The following ADAM12 variants were observed in gnomAD, a reference collection of about 807,000 sequenced individuals.
ADAM12 encodes the protein ADAM metallopeptidase domain 12.
Under a neutral mutation model 106.4 loss-of-function variants are expected in ADAM12, and 70 were observed. The ratio of observed to expected loss-of-function variants is 0.66; its 90% CI spans 0.54 to 0.80. The LOEUF (loss-of-function observed/expected upper bound fraction) is 0.80. Among genes scored for constraint, ADAM12 ranks in the 30% least tolerant of loss-of-function variants. ADAM12 has a pLI of 0.00. For synonymous variants in ADAM12, 420 were observed against 433.5 expected, an observed-to-expected ratio of 0.97 and a Z score of 0.39; for missense variants, 1,010 against 1,171.9, an observed-to-expected ratio of 0.86 and a Z score of 2.02.
intron 3 of ADAM12, among the ~76,000 whole-genome samples, chr10:126,167,596 T>C (rs917314957): frequency 6.6e-5 from 10 of 152,230 alleles, no homozygotes; most frequent in Admixed American, 1.3e-4. Context: ...TACTATTCCA[T>C]GCGTAAAGGT....
At chr10:126,242,574 G>A (rs932881807) in intron 3 of ADAM12, among the ~76,000 whole-genome samples, 4 of 152,210 alleles carry the variant, frequency 2.6e-5, no homozygotes, top group Non-Finnish European at 4.4e-5. Context: ...GAGCGTGGGC[G>A]TCTCCTGGCC....
chr10:126,060,784 C>A (rs1280952313), intron 14 of ADAM12, among the ~76,000 whole-genome samples: 1 of 152,216 alleles, frequency 6.6e-6, no homozygotes, highest in African/African-American at 2.4e-5. Flanking sequence ...CACATCCGCC[C>A]TCCCCTCCAG....
At chr10:126,095,407 G>A (rs940098822) in intron 10 of ADAM12, among the ~76,000 whole-genome samples, 18 of 151,934 alleles carry the variant, frequency 1.2e-4, no homozygotes, top group South Asian at 2.1e-4. Context: ...GGTGGCGGGC[G>A]CCTGTAGTCC....
intron 3 of ADAM12, among the ~76,000 whole-genome samples, chr10:126,221,021 G>A (rs904337113): frequency 6.6e-6 from 1 of 152,246 alleles, no homozygotes. Context: ...TTGATGGGCA[G>A]TTCTCAGTCA....
chr10:126,349,878 C>G (rs967103771), intron 1 of ADAM12, among the ~76,000 whole-genome samples: 3 of 152,318 alleles, frequency 2.0e-5, no homozygotes, highest in African/African-American at 7.2e-5. Flanking sequence ...CAGAATCACA[C>G]AGGTATGCTG....
At chr10:126,294,307 T>C (rs1288636987) in intron 2 of ADAM12, among the ~76,000 whole-genome samples, 14 of 152,296 alleles carry the variant, frequency 9.2e-5, no homozygotes. Flanking sequence ...CACAGATGAA[T>C]TTCAGACCAA....
chr10:126,213,859 G>C (rs1590629069), intron 3 of ADAM12, among the ~76,000 whole-genome samples: 1 of 152,192 alleles, frequency 6.6e-6, no homozygotes, highest in African/African-American at 2.4e-5. Flanking sequence ...ACCATCTGCT[G>C]ACTTGACCTT....
chr10:126,072,539 G>A (rs550908451), intron 11 of ADAM12, among the ~76,000 whole-genome samples: 3 of 152,168 alleles, frequency 2.0e-5, no homozygotes, highest in Non-Finnish European at 4.4e-5. Context: ...GGAGGTGTCA[G>A]GCATGGCATC....
At chr10:126,302,742 A>T (rs1287420582) in intron 2 of ADAM12, among the ~76,000 whole-genome samples, 6 of 152,244 alleles carry the variant, frequency 3.9e-5, no homozygotes, top group Non-Finnish European at 7.3e-5. Flanking sequence ...CTCCTGAAAA[A>T]TAACATTTAG....
chr10:126,331,035 T>C (rs1854493009), intron 1 of ADAM12, among the ~76,000 whole-genome samples: 1 of 152,234 alleles, frequency 6.6e-6, no homozygotes, highest in East Asian at 1.9e-4. Flanking sequence ...CAGTTCAGAC[T>C]GACTAGACTG....
chr10:126,140,009 C>T (rs1473441473), intron 4 of ADAM12, among the ~76,000 whole-genome samples: 1 of 152,134 alleles, frequency 6.6e-6, no homozygotes, highest in African/African-American at 2.4e-5. Context: ...TAGTACCTTC[C>T]CAGGCCGGGC....
chr10:126,034,858 T>C (rs1954030856), intron 21 of ADAM12, among the ~76,000 whole-genome samples: 1 of 152,256 alleles, frequency 6.6e-6, no homozygotes, highest in East Asian at 1.9e-4. Flanking sequence ...GTGGATATAA[T>C]AATATCAGAT....
rs1407759939 is a variant in ADAM12 at position 126,049,305 on chromosome 10, T to C, written c.1865A>G (p.Asp622Gly). 2 of 1,614,126 alleles carry C rather than the reference T, an allele frequency of 1.2e-6. No individual in the cohort carries two copies. Among genetic ancestry groups the C allele is most frequent in the Non-Finnish European group, 1.7e-6 (2 of 1,180,056 alleles). ...AAGCACAAGCCCTGGGTCCGGCATG[T>C]CATCGCCCAAGTACACGTGGGTCCC... ...CRGTHVYLGD[D>G]MPDPGLVLAG... Residue 622 changes from aspartate to glycine, a missense_variant, in exon 16 of 23, where the codon GAC becomes GGC. By Grantham distance (94) the Asp-to-Gly change is moderately conservative. Transcript: ENST00000448723. This position sits in a 1 kb window ranked among gnomAD's most constrained non-coding sequence, Gnocchi z 4.4.
At chr10:126,077,875 C>A (rs1165310309) in intron 11 of ADAM12, among the ~76,000 whole-genome samples, 1 of 152,134 alleles carries the variant, frequency 6.6e-6, no homozygotes, top group East Asian at 1.9e-4. Context: ...CTCCCTTTTG[C>A]TGCTCTAAGA....
intron 2 of ADAM12, among the ~76,000 whole-genome samples, chr10:126,303,570 T>C (rs187971365): frequency 2.0e-5 from 3 of 152,300 alleles, no homozygotes; most frequent in East Asian, 1.9e-4. Flanking sequence ...TTGGGCATTT[T>C]TGAAGTGAGA....
chr10:126,283,374 T>C (rs966378662), intron 2 of ADAM12, among the ~76,000 whole-genome samples: 2 of 152,190 alleles, frequency 1.3e-5, no homozygotes, highest in African/African-American at 4.8e-5. Flanking sequence ...AGTTTGCACA[T>C]GTTTGACTCT....
intron 2 of ADAM12, among the ~76,000 whole-genome samples, chr10:126,320,926 C>T (rs1366875374): frequency 6.6e-6 from 1 of 152,158 alleles, no homozygotes; most frequent in Non-Finnish European, 1.5e-5. Flanking sequence ...TTCAATAAAT[C>T]CAAAACTTTT....
chr10:126,111,808 G>A (rs1257196949), intron 6 of ADAM12, among the ~76,000 whole-genome samples: 10 of 152,280 alleles, frequency 6.6e-5, no homozygotes, highest in East Asian at 1.9e-4. Flanking sequence ...TGGGGGAGTC[G>A]CCGGCTCAGG....
chr10:126,064,464 CAGT>C lies in ADAM12; in HGVS notation c.1609+339_1609+341del, dbSNP rs1263291836. Among the ~76,000 whole-genome samples, 1 of 152,188 alleles carries C rather than the reference CAGT, an allele frequency of 6.6e-6. No homozygotes were observed. Among genetic ancestry groups the C allele is most frequent in the African/African-American group, 2.4e-5 (1 of 41,460 alleles). On this transcript the variant is annotated intron_variant, in intron 14 of 22. Transcript: ENST00000448723. The surrounding 1 kb of genome is among the most constrained non-coding windows in gnomAD (Gnocchi z 4.4). ...CATCCCTGCCATCCCTCGGGGCACG[CAGT>C]AGGTGCTCCTGCAGCTCCCGTATCT...
Sources: allele counts gnomAD v4.1 joint callset (sites outside exome capture counted in the v4.1 genomes callset), GRCh38; gene constraint gnomAD v4.1.1; non-coding constraint Gnocchi (gnomAD v3.1); transcripts MANE v1.5; gene names NCBI Gene and HGNC (gene_info 2026-07-23, HGNC 2026-07-21).